The following DPP6 variants were observed in gnomAD, a reference collection of about 807,000 sequenced individuals.
The protein encoded by DPP6 is A-type potassium channel modulatory protein DPP6.
Under a neutral mutation model 122.6 loss-of-function variants are expected in DPP6, and 69 were observed. That is an observed-to-expected ratio of 0.56 (90% CI 0.46 to 0.69). The LOEUF (loss-of-function observed/expected upper bound fraction) is 0.69, where lower values mean the gene tolerates loss of function less well. DPP6 is among the 30% of genes least tolerant of loss of function. DPP6 has a pLI of 0.00. For missense variants in DPP6, 928 were observed against 1,116.9 expected (o/e 0.83, Z 2.41); for synonymous variants, 418 against 433.1 (o/e 0.97, Z 0.43).
intron 1 of DPP6, among the ~76,000 whole-genome samples, chr7:154,016,503 A>G (rs752541993): frequency 1.3e-5 from 2 of 151,918 alleles, no homozygotes; most frequent in East Asian, 3.9e-4. Flanking sequence ...TGGCTCACAC[A>G]TGTAATCCCA....
At chr7:154,372,645 TTGACA>T (rs1308583575) in intron 1 of DPP6, among the ~76,000 whole-genome samples, 1 of 152,206 alleles carries the variant, frequency 6.6e-6, no homozygotes, top group Non-Finnish European at 1.5e-5. Flanking sequence ...AACACATTAG[TTGACA>T]TGCTCAAAAT....
At position 154,241,184 on chromosome 7, in the gene DPP6, T is replaced by TATGTGTGC. The variant is rs1554498747; in HGVS notation, c.243+188128_243+188129insCATGTGTG. ...TGCACAGTAGGTAATTCAATATCAA[T>TATGTGTGC]ATGTGTGTGTGTGTGTGTGTGTGTG... On this transcript the variant is annotated intron_variant, in intron 1 of 25. Coordinates refer to ENST00000377770, the MANE Select transcript of DPP6 (RefSeq NM_130797.4). This position sits in a 1 kb window ranked among gnomAD's most constrained non-coding sequence, Gnocchi z 9.0. Among the ~76,000 whole-genome samples, 2 of 100,662 alleles carry TATGTGTGC rather than the reference T, an allele frequency of 2.0e-5. No homozygotes were observed. The highest frequency in any genetic ancestry group is 8.8e-5 in the African/African-American group (2 of 22,764). The allele number at this position is 100,662 out of a possible 152,430, so 66.0% of individuals were successfully genotyped here.
At chr7:154,320,475 G>GTTGTTT (rs1807845897) in intron 1 of DPP6, among the ~76,000 whole-genome samples, 1 of 81,084 alleles carries the variant, frequency 1.2e-5, no homozygotes. Flanking sequence ...ATTGTACTTT[G>GTTGTTT]TTTTTTTTTT....
At chr7:154,641,071 A>G (rs747791839) in intron 6 of DPP6, among the ~76,000 whole-genome samples, 22 of 152,060 alleles carry the variant, frequency 1.4e-4, no homozygotes, top group Non-Finnish European at 1.2e-4. Context: ...AAAGAGTTTC[A>G]GGACGGACTA....
intron 2 of DPP6, among the ~76,000 whole-genome samples, chr7:154,452,724 G>A (rs1400161580): frequency 6.6e-6 from 1 of 152,176 alleles, no homozygotes; most frequent in African/African-American, 2.4e-5. Context: ...CATGCGCATG[G>A]TGGAGTGCCC....
intron 1 of DPP6, among the ~76,000 whole-genome samples, chr7:154,399,297 T>C (rs889004359): frequency 6.6e-6 from 1 of 152,328 alleles, no homozygotes; most frequent in African/African-American, 2.4e-5. Context: ...ACAGAGTCTT[T>C]ATGTTCAAAT....
intron 25 of DPP6, 143 bp downstream of exon 25, chr7:154,889,673 T>A (rs2280656): frequency 1.5e-6 from 2 of 1,353,374 alleles, no homozygotes. Flanking sequence ...TCCCAGCAGG[T>A]TGGAAAATCA....
rs567694223 is a variant in DPP6 at position 154,688,565 on chromosome 7, C to G, written c.762+19124C>G. On this transcript the variant is annotated intron_variant, in intron 7 of 25. Coordinates refer to ENST00000377770, the MANE Select transcript of DPP6 (RefSeq NM_130797.4). ...ATATTAACTTACACGATCACAAGGT[C>G]CCATAATAGGCTGCAAGCTGAGGGG... is the stretch of plus-strand genomic sequence containing the variant. Among the ~76,000 whole-genome samples the G allele has an allele frequency of 2.6e-5, 4 of 152,196 alleles. No homozygotes were observed. The East Asian group carries it at 7.7e-4, about 29-fold the overall frequency.
At position 154,062,867 on chromosome 7, in the gene DPP6, A is replaced by G. The variant is rs1218099877; in HGVS notation, c.243+9804A>G. ...GCGAGCCAGACCCTCTTCCTCCCCC[A>G]GCTTAGGACCCCCATCGTTGATCCT... On this transcript the variant is annotated intron_variant, in intron 1 of 25. Transcript: ENST00000377770. Among the ~76,000 whole-genome samples the G allele has an allele frequency of 1.4e-4, 18 of 124,812 alleles. 2 individuals carry two copies. The highest frequency in any genetic ancestry group is 7.4e-4 in the East Asian group (3 of 4,040). 81.9% of individuals were successfully genotyped at this position (124,812 alleles called of 152,430 possible).
the DPP6 span, among the ~76,000 whole-genome samples, chr7:153,781,161 G>A: frequency 2.4e-3 from 363 of 152,276 alleles, no homozygotes; most frequent in African/African-American, 7.7e-3. Flanking sequence ...TGCACGTCAC[G>A]ATAATGAAGC....
At chr7:154,248,822 C>T (rs1372761791) in intron 1 of DPP6, among the ~76,000 whole-genome samples, 7 of 151,552 alleles carry the variant, frequency 4.6e-5, no homozygotes, top group African/African-American at 1.2e-4. Context: ...GCCGAGATTG[C>T]GCCACTGCAC....
At chr7:154,542,521 G>C (rs1015393286) in intron 4 of DPP6, among the ~76,000 whole-genome samples, 4 of 152,142 alleles carry the variant, frequency 2.6e-5, no homozygotes, top group Admixed American at 6.6e-5. Flanking sequence ...AAAATCAATA[G>C]CTTGTGACAG....
chr7:154,801,187 A>G (rs534590839), intron 12 of DPP6, among the ~76,000 whole-genome samples, 168 bp from the exon 13 acceptor site: 14 of 152,194 alleles, frequency 9.2e-5, no homozygotes, highest in African/African-American at 3.1e-4. Context: ...CAGTTGACTC[A>G]TGATTCCCGA....
At chr7:154,201,078 T>C (rs1348169500) in intron 1 of DPP6, among the ~76,000 whole-genome samples, 1 of 152,162 alleles carries the variant, frequency 6.6e-6, no homozygotes, top group East Asian at 1.9e-4. Context: ...ACAGCAGAGA[T>C]ACAAACTTGC....
chr7:153,906,631 T>C (rs1263495864), intron 1 of DPP6, among the ~76,000 whole-genome samples: 1 of 152,202 alleles, frequency 6.6e-6, no homozygotes, highest in Non-Finnish European at 1.5e-5. Flanking sequence ...TTGTATTTTT[T>C]TGTAGAGACA....
At chr7:154,313,465 G>T (rs1200392058) in intron 1 of DPP6, among the ~76,000 whole-genome samples, 4 of 151,842 alleles carry the variant, frequency 2.6e-5, no homozygotes, top group African/African-American at 9.7e-5. Flanking sequence ...GGCACGAGAG[G>T]CTCTTGCTTA....
intron 1 of DPP6, among the ~76,000 whole-genome samples, chr7:154,071,633 A>G (rs191377596): frequency 3.1e-3 from 478 of 152,306 alleles, no homozygotes; most frequent in African/African-American, 0.011. Context: ...GGCTTCGGCA[A>G]TCTCGTTTCA....
At chr7:154,385,995 A>G (rs148362109) in intron 1 of DPP6, among the ~76,000 whole-genome samples, 4 of 152,284 alleles carry the variant, frequency 2.6e-5, no homozygotes, top group East Asian at 1.9e-4. Context: ...GGTCTTCATG[A>G]TATCATTCTT....
At chr7:154,262,878 G>A (rs1803128399) in intron 1 of DPP6, among the ~76,000 whole-genome samples, 1 of 152,082 alleles carries the variant, frequency 6.6e-6, no homozygotes, top group Admixed American at 6.5e-5. Context: ...ACTGTTACTG[G>A]CTAAGGTCAG....
Sources: gnomAD v4.1 joint callset for allele counts (sites outside exome capture counted in the v4.1 genomes callset) on GRCh38, gnomAD v4.1.1 for gene constraint, Gnocchi (gnomAD v3.1) non-coding constraint, MANE v1.5 for transcripts, NCBI Gene and HGNC (gene_info 2026-07-23, HGNC 2026-07-21) for gene names.